Variants in PFKP observed in about 807,000 individuals in gnomAD.
The protein encoded by PFKP is phosphofructokinase, platelet.
A neutral mutation model predicts 94.3 loss-of-function variants in PFKP; 101 were observed. The ratio of observed to expected loss-of-function variants is 1.07; its 90% CI spans 0.91 to 1.26. The LOEUF (loss-of-function observed/expected upper bound fraction) is 1.26, where lower values mean the gene tolerates loss of function less well. PFKP is among the 50% of genes most tolerant of loss of function. The pLI, the probability that PFKP is intolerant of heterozygous loss-of-function variation, is 0.00. For synonymous variants in PFKP, 573 were observed against 432.6 expected (o/e 1.32, Z -4.03); for missense variants, 1,145 against 1,103.3 (o/e 1.04, Z -0.53).
chr10:3,129,880 C>T lies in PFKP; in HGVS notation c.1745C>T (p.Thr582Ile). The change falls in exon 17 of 22, where the codon ACC (threonine) becomes ATC (isoleucine). Residue 582 changes from threonine (T) to isoleucine (I), a missense_variant. Transcript: ENST00000381125. ...AAGCGGCGCGTGTTCATCATCGAGA[C>T]CATGGGCGGCTACTGTGGCTACCTG... ...GTKRRVFIIE[T>I]MGGYCGYLAN... The T allele has an allele frequency of 6.2e-7, 1 of 1,613,634 alleles. No individual in the cohort carries two copies. The highest frequency in any genetic ancestry group is 8.5e-7 in the Non-Finnish European group (1 of 1,179,950).
chr10:3,103,185 T>C (rs560435427), intron 4 of PFKP, among the ~76,000 whole-genome samples: 1 of 152,232 alleles, frequency 6.6e-6, no homozygotes, highest in Non-Finnish European at 1.5e-5. Context: ...CAGGAAGTAC[T>C]GAGATGTTTG....
intron 3 of PFKP, 83 bp downstream of exon 3, chr10:3,099,435 G>A: frequency 9.5e-7 from 1 of 1,057,072 alleles, no homozygotes; most frequent in South Asian, 1.3e-5. Flanking sequence ...CTTGAGCTCA[G>A]ATCAGTTGCG....
chr10:3,097,745 C>T (rs1834604943), intron 2 of PFKP, among the ~76,000 whole-genome samples: 1 of 152,220 alleles, frequency 6.6e-6, no homozygotes, highest in Admixed American at 6.5e-5. Context: ...TGGCTCACGC[C>T]TGTAATCCCA....
chr10:3,127,196 T>G (rs1838046799), intron 16 of PFKP, among the ~76,000 whole-genome samples: 1 of 152,248 alleles, frequency 6.6e-6, no homozygotes. Flanking sequence ...AAGCTGTATC[T>G]AAGCTCCAGC....
At chr10:3,102,068 G>A (rs1167209519) in intron 4 of PFKP, among the ~76,000 whole-genome samples, 8 of 151,432 alleles carry the variant, frequency 5.3e-5, no homozygotes, top group Middle Eastern at 3.4e-3. Flanking sequence ...CGGCTAAAAC[G>A]GTGAAACCCC....
At chr10:3,110,696 G>A (rs926375896) in intron 10 of PFKP, among the ~76,000 whole-genome samples, 10 of 152,110 alleles carry the variant, frequency 6.6e-5, no homozygotes, top group East Asian at 1.9e-4. Context: ...GAGTGTGTGC[G>A]CAGGCTTGTG....
chr10:3,097,342 G>C (rs939360125), intron 2 of PFKP, among the ~76,000 whole-genome samples: 3 of 152,054 alleles, frequency 2.0e-5, no homozygotes, highest in African/African-American at 7.2e-5. Context: ...GCCCTGTGCA[G>C]AGGCGAGGTC....
At chr10:3,089,730 T>C (rs939099949) in intron 2 of PFKP, among the ~76,000 whole-genome samples, 2 of 150,470 alleles carry the variant, frequency 1.3e-5, no homozygotes, top group Non-Finnish European at 3.0e-5. Flanking sequence ...ATACATTATG[T>C]ATAACATTAT....
chr10:3,133,130 G>T, intron 18 of PFKP, 73 bp from the exon 19 acceptor site: 1 of 1,047,084 alleles, frequency 9.6e-7, no homozygotes. Flanking sequence ...AGCCTCCCAG[G>T]GCCATCTCCC....
rs759745063 is a variant in PFKP, at chr10:3,113,404, G to T, written c.1257G>T (p.Gly419=). 77 of 1,598,440 alleles carry T rather than the reference G, an allele frequency of 4.8e-5. No homozygotes were observed. The highest frequency in any genetic ancestry group is 6.2e-5 in the Non-Finnish European group (73 of 1,170,304). ...TNCNVAVINV[G]APAAGMNAAV... ...GCAACGTAGCTGTCATCAACGTGGG[G>T]GCACCCGCGGCTGGGATGAACGCAG... Residue 419 remains glycine (G), a synonymous_variant, in exon 13 of 22, where the codon GGG becomes GGT. Coordinates refer to ENST00000381125, the MANE Select transcript of PFKP (RefSeq NM_002627.5).
rs957358993 is a variant in PFKP at position 3,103,860 on chromosome 10, G to A, written c.536G>A (p.Cys179Tyr). 5 of 1,614,032 alleles carry A rather than the reference G, an allele frequency of 3.1e-6. No individual in the cohort carries two copies. The highest frequency in any genetic ancestry group is 4.2e-6 in the Non-Finnish European group (5 of 1,180,036). Residue 179 changes from cysteine to tyrosine, a missense_variant, in exon 5 of 22, where the codon TGC (cysteine) becomes TAC (tyrosine). Transcript: ENST00000381125. ...GTGGGCTCCATCGACAATGATTTCT[G>A]CGGCACCGACATGACCATCGGCACG... ...GMVGSIDNDF[C>Y]GTDMTIGTDS...
chr10:3,100,303 T>C (rs55845900), intron 3 of PFKP, among the ~76,000 whole-genome samples: 84,342 of 151,734 alleles, frequency 0.56, 23,811 homozygotes, highest in African/African-American at 0.61. Context: ...CCACCCTCAC[T>C]TGCCTTGGGG....
intron 1 of PFKP, among the ~76,000 whole-genome samples, chr10:3,079,957 C>A (rs1337780831): frequency 6.6e-6 from 1 of 152,014 alleles, no homozygotes. Context: ...AGGTGGGAGG[C>A]TCTGTCCTGC....
chr10:3,070,039 A>G (rs1448147145), intron 1 of PFKP, among the ~76,000 whole-genome samples: 1 of 152,236 alleles, frequency 6.6e-6, no homozygotes, highest in Admixed American at 6.5e-5. Context: ...AGCTGCCCTC[A>G]GCTCTGCAGG....
At chr10:3,129,666 G>A (rs530936790) in intron 16 of PFKP, 153 bp from the exon 17 acceptor site, 81 of 786,052 alleles carry the variant, frequency 1.0e-4, no homozygotes, top group Admixed American at 7.0e-4. Context: ...GGCACATCCT[G>A]GCTGCTGCAC....
intron 2 of PFKP, among the ~76,000 whole-genome samples, chr10:3,089,406 G>T (rs1172612180): frequency 2.6e-5 from 4 of 152,068 alleles, no homozygotes; most frequent in Non-Finnish European, 5.9e-5. Context: ...GATGGGGAGT[G>T]AATGTAGGAG....
At chr10:3,081,322 T>C (rs1176501709) in intron 1 of PFKP, among the ~76,000 whole-genome samples, 1 of 152,248 alleles carries the variant, frequency 6.6e-6, no homozygotes, top group Non-Finnish European at 1.5e-5. Context: ...CCTGCCTCTG[T>C]CACAGATGCC....
intron 16 of PFKP, among the ~76,000 whole-genome samples, chr10:3,126,293 T>G (rs1837936427): frequency 6.6e-6 from 1 of 152,228 alleles, no homozygotes; most frequent in South Asian, 2.1e-4. Context: ...GCCATCTCTC[T>G]CCTAGGCTTC....
intron 1 of PFKP, chr10:3,069,355 G>C (rs1170632835): frequency 3.8e-6 from 6 of 1,589,084 alleles, no homozygotes; most frequent in Non-Finnish European, 5.1e-6. Context: ...AAATAGCCTG[G>C]CCCGCGTGAC....
Sources: allele counts gnomAD v4.1 joint callset (sites outside exome capture counted in the v4.1 genomes callset), GRCh38; gene constraint gnomAD v4.1.1; transcripts MANE v1.5; gene names NCBI Gene and HGNC (gene_info 2026-07-23, HGNC 2026-07-21).